Variants in TSPAN19 observed in about 807,000 individuals in gnomAD.
TSPAN19 encodes the protein tetraspanin-19.
A neutral mutation model predicts 35.1 loss-of-function variants in TSPAN19; 44 were observed. The observed-to-expected ratio is 1.25, with a 90% CI of 0.98 to 1.61. The LOEUF (loss-of-function observed/expected upper bound fraction) is 1.61. Ranked by LOEUF, TSPAN19 falls within the 40% of genes most tolerant of loss-of-function variation. The probability of loss-of-function intolerance (pLI) is 0.00; values close to 1 mark genes in which losing one functional copy is unlikely to be tolerated. For missense variants in TSPAN19, 290 were observed against 280.0 expected (o/e 1.04, Z -0.26); for synonymous variants, 79 against 92.0 (o/e 0.86, Z 0.81).
intron 4 of TSPAN19, among the ~76,000 whole-genome samples, chr12:85,026,553 C>A (rs1877423266): frequency 6.6e-6 from 1 of 151,984 alleles, no homozygotes; most frequent in Admixed American, 6.6e-5. Context: ...ACCTAAAATG[C>A]CTGTGCCAGG....
chr12:85,014,481 C>A lies in TSPAN19; in HGVS notation c.*6G>T. 6.3e-7 allele frequency: 1 copy of A among 1,584,248 alleles called. No individual in the cohort carries two copies. Among genetic ancestry groups the A allele is most frequent in the Non-Finnish European group, 8.6e-7 (1 of 1,162,942 alleles). ...GGTTTCTTCTGAACAAATTGAAATC[C>A]AAAGGTCACATTTCTGCATGGATTA... On this transcript the variant is annotated 3_prime_UTR_variant, in exon 9 of 9. Transcript: ENST00000532498.
chr12:85,032,601 A>C (rs1262383965), intron 1 of TSPAN19, among the ~76,000 whole-genome samples: 1 of 152,156 alleles, frequency 6.6e-6, no homozygotes, highest in Non-Finnish European at 1.5e-5. Flanking sequence ...GCAACGATTC[A>C]AAGAAGCCCA....
chr12:85,022,663 A>G (rs532791632), intron 5 of TSPAN19, among the ~76,000 whole-genome samples: 1 of 152,148 alleles, frequency 6.6e-6, no homozygotes, highest in Non-Finnish European at 1.5e-5. Flanking sequence ...GACTTCAAGT[A>G]CATGTTCATT....
At chr12:85,022,059 T>C (rs970140959) in intron 5 of TSPAN19, among the ~76,000 whole-genome samples, 1 of 152,082 alleles carries the variant, frequency 6.6e-6, no homozygotes, top group African/African-American at 2.4e-5. Context: ...TGATAAACTA[T>C]ATTTACATAT....
At position 85,017,553 on chromosome 12, in the gene TSPAN19, T is replaced by C. The variant is rs748205919; in HGVS notation, c.497A>G (p.Lys166Arg). 1.3e-6 allele frequency: 2 copies of C among 1,594,762 alleles called. No homozygotes were observed. Among genetic ancestry groups the C allele is most frequent in the East Asian group, 2.3e-5 (1 of 44,266 alleles). Reference sequence around the variant, plus strand: ...CACCTGTCCTGAATTTTCTTTGTTCTTATTCTTTATCCAGTCTGTGTAATT... The same window carrying C: ...CACCTGTCCTGAATTTTCTTTGTTCCTATTCTTTATCCAGTCTGTGTAATT... ...QHNYTDWIKNKNKENSGQVPC... is the reference protein window; with the variant it reads ...QHNYTDWIKNRNKENSGQVPC... The change falls in exon 7 of 9, where the codon AAG (lysine) becomes AGG (arginine). Residue 166 changes from lysine to arginine, a missense_variant. Transcript: ENST00000532498.
intron 3 of TSPAN19, 72 bp from the exon 4 acceptor site, chr12:85,028,095 T>TGGGTTA: frequency 8.0e-7 from 1 of 1,252,964 alleles, no homozygotes; most frequent in Non-Finnish European, 1.1e-6. Context: ...TATTTTCTAT[T>TGGGTTA]TAAGAATAAT....
chr12:85,029,686 T>A, intron 3 of TSPAN19, 33 bp downstream of exon 3: 1 of 1,470,686 alleles, frequency 6.8e-7, no homozygotes, highest in Non-Finnish European at 9.2e-7. Context: ...GAATGTCTAT[T>A]TCACTGAGAG....
chr12:85,027,862 A>G, intron 4 of TSPAN19, 37 bp downstream of exon 4: 1 of 1,533,244 alleles, frequency 6.5e-7, no homozygotes. Context: ...TTAAAAATCT[A>G]AGACAAAAAT....
intron 1 of TSPAN19, among the ~76,000 whole-genome samples, chr12:85,034,403 A>G (rs1877818639): frequency 6.6e-6 from 1 of 152,206 alleles, no homozygotes; most frequent in Non-Finnish European, 1.5e-5. Flanking sequence ...AAGAACAAAC[A>G]GTTATCTCTC....
chr12:85,029,840 A>T, intron 2 of TSPAN19, 41 bp downstream of exon 2: 1 of 1,520,874 alleles, frequency 6.6e-7, no homozygotes, highest in Non-Finnish European at 8.9e-7. Flanking sequence ...CCTATACAAT[A>T]GATTACATTT....
Position 85,029,877 on chromosome 12 carries a change from TTAC to T in TSPAN19, c.66+1_66+3del. The T allele has an allele frequency of 6.7e-7, 1 of 1,495,512 alleles. No homozygotes were observed. The highest frequency in any genetic ancestry group is 1.3e-5 in the South Asian group (1 of 79,262). The allele number at this position is 1,495,512 out of a possible 1,614,324, so 92.6% of individuals were successfully genotyped here. A position where few individuals can be genotyped will look rare whatever the true frequency, so the allele number is the denominator to read the frequency against. ...CTTTACTGTATAATTATGAAGATTC[TTAC>T]CAAGAAAGCTCCATTAATGAGATTA... On this transcript the variant is annotated splice_donor_variant and splice_donor_region_variant and intron_variant, in intron 2 of 8. Transcript: ENST00000532498. LOFTEE classifies it high-confidence loss of function.
chr12:85,035,639 G>A (rs1006074713), intron 1 of TSPAN19, among the ~76,000 whole-genome samples: 2 of 150,830 alleles, frequency 1.3e-5, no homozygotes, highest in African/African-American at 4.8e-5. Context: ...AGAATTTAAT[G>A]CCTTATTTGC....
At position 85,014,572 on chromosome 12, in the gene TSPAN19, C is replaced by G. The variant is rs1876684930; in HGVS notation, c.679-17G>C. On this transcript the variant is annotated splice_polypyrimidine_tract_variant and intron_variant, in intron 8 of 8. Transcript: ENST00000532498. The stretch of plus-strand genomic sequence containing the variant: ...TTGGAAAACCTGGAAGAAAAGGGAA[C>G]AATAAGAGATTAAAATTTAATCAAT... 2.6e-6 allele frequency: 4 copies of G among 1,553,126 alleles called. No individual in the cohort carries two copies. In the African/African-American group the frequency reaches 5.5e-5, roughly 21 times the overall value.
At chr12:85,021,289 A>AT (rs986022827) in intron 5 of TSPAN19, among the ~76,000 whole-genome samples, 1 of 152,034 alleles carries the variant, frequency 6.6e-6, no homozygotes, top group African/African-American at 2.4e-5. Context: ...GTCTTTGACA[A>AT]TAAAAACTAA....
intron 6 of TSPAN19, 57 bp downstream of exon 6, chr12:85,019,569 C>T: frequency 1.8e-6 from 2 of 1,096,936 alleles, no homozygotes; most frequent in Non-Finnish European, 2.8e-6. Context: ...CCTATTCTCT[C>T]TTCTGTCCCA....
At position 85,028,040 on chromosome 12, in the gene TSPAN19, T is replaced by G. The variant is rs146014210; in HGVS notation, c.140-17A>C. 1.1e-4 allele frequency: 161 copies of G among 1,507,330 alleles called. No individual in the cohort carries two copies. The African/African-American group carries it at 2.0e-3, about 19-fold the overall frequency. 93.4% of individuals were successfully genotyped at this position (1,507,330 alleles called of 1,614,324 possible). On this transcript the variant is annotated splice_polypyrimidine_tract_variant and intron_variant, in intron 3 of 8. Coordinates refer to ENST00000532498, the MANE Select transcript of TSPAN19 (RefSeq NM_001100917.2). ...TATTTTCATCTGTGAAAAGTACAAA[T>G]TTACTTATTATGAAGTGGTATTTTA...
intron 6 of TSPAN19, among the ~76,000 whole-genome samples, chr12:85,018,303 A>G (rs536009681): frequency 1.3e-5 from 2 of 152,050 alleles, no homozygotes; most frequent in East Asian, 1.9e-4. Context: ...AGTACTGCCT[A>G]TGTTTACAAT....
At position 85,014,530 on chromosome 12, in the gene TSPAN19, C is replaced by T. The variant is rs375013943; in HGVS notation, c.704G>A (p.Cys235Tyr). 2.5e-6 allele frequency: 4 copies of T among 1,601,074 alleles called. No individual in the cohort carries two copies. Among genetic ancestry groups the T allele is most frequent in the Non-Finnish European group, 3.4e-6 (4 of 1,173,348 alleles). ...SEVFQVSLTV[C>Y]FFKNIKNIIH... ...TATATTCTTGATGTTTTTGAAGAAA[C>T]AAACTGTTAATGAGACTTGGAAAAC... Residue 235 changes from cysteine (C) to tyrosine (Y), a missense_variant, in exon 9 of 9, where the codon TGT becomes TAT. Coordinates refer to ENST00000532498, the MANE Select transcript of TSPAN19 (RefSeq NM_001100917.2).
chr12:85,026,450 T>A (rs1877416136), intron 4 of TSPAN19, among the ~76,000 whole-genome samples: 1 of 152,038 alleles, frequency 6.6e-6, no homozygotes, highest in Admixed American at 6.6e-5. Flanking sequence ...AATCTGGAAG[T>A]CTGTGGGTTT....
Sources: gnomAD v4.1 joint callset for allele counts (sites outside exome capture counted in the v4.1 genomes callset) on GRCh38, gnomAD v4.1.1 for gene constraint, MANE v1.5 for transcripts, NCBI Gene and HGNC (gene_info 2026-07-23, HGNC 2026-07-21) for gene names.